The following SGCZ variants were observed in gnomAD, a reference collection of about 807,000 sequenced individuals.
SGCZ encodes zeta-sarcoglycan.
Under a neutral mutation model 41.3 loss-of-function variants are expected in SGCZ, and 40 were observed. The observed-to-expected ratio is 0.97, with a 90% confidence interval of 0.75 to 1.26. SGCZ has a LOEUF of 1.26. Among genes scored for constraint, SGCZ ranks in the 50% most tolerant of loss-of-function variants. SGCZ has a pLI of 0.00. For missense variants in SGCZ, 552 were observed against 369.8 expected (o/e 1.49, Z -4.04); for synonymous variants, 206 against 137.5 (o/e 1.50, Z -3.49).
Position 15,237,885 on chromosome 8 carries a change from G to T in SGCZ, c.-262C>A, listed in dbSNP as rs940077058. 2.2e-5 allele frequency: 8 copies of T among 359,458 alleles called. No homozygotes were observed. Among genetic ancestry groups the T allele is most frequent in the South Asian group, 7.4e-5 (1 of 13,534 alleles). 22.3% of individuals were successfully genotyped at this position (359,458 alleles called of 1,614,324 possible). ...TACCGCGGTGCAACACAGCTGAGTC[G>T]ATTGAAACAGGGGCCAAAAGAAAAA... On this transcript the variant is annotated 5_prime_UTR_variant, in exon 1 of 8. Transcript: ENST00000382080.
chr8:15,192,855 G>A (rs372197266), intron 1 of SGCZ, among the ~76,000 whole-genome samples: 1 of 151,978 alleles, frequency 6.6e-6, no homozygotes, highest in South Asian at 2.1e-4. Context: ...AGCCTAACCA[G>A]TTTTGTTTTA....
At chr8:15,078,082 T>G (rs1198246574) in intron 1 of SGCZ, among the ~76,000 whole-genome samples, 1 of 150,828 alleles carries the variant, frequency 6.6e-6, no homozygotes, top group Non-Finnish European at 1.5e-5. Flanking sequence ...GAGCCTGTCC[T>G]CTCTGGGTTG....
At chr8:15,037,188 A>G (rs1368027236) in intron 1 of SGCZ, among the ~76,000 whole-genome samples, 2 of 152,180 alleles carry the variant, frequency 1.3e-5, no homozygotes, top group Non-Finnish European at 2.9e-5. Context: ...CACATGTCAT[A>G]GGAGGGACCC....
intron 1 of SGCZ, among the ~76,000 whole-genome samples, chr8:15,013,804 C>T (rs567025246): frequency 1.3e-5 from 2 of 152,294 alleles, no homozygotes; most frequent in Admixed American, 6.5e-5. Flanking sequence ...AACACACATA[C>T]ATTTTACAAG....
At chr8:15,216,128 T>C (rs1411611553) in intron 1 of SGCZ, among the ~76,000 whole-genome samples, 1 of 152,146 alleles carries the variant, frequency 6.6e-6, no homozygotes, top group African/African-American at 2.4e-5. Context: ...GAGCCACTAA[T>C]TGCATTCTCT....
chr8:14,415,315 T>C (rs1325791238), intron 2 of SGCZ, among the ~76,000 whole-genome samples: 1 of 151,940 alleles, frequency 6.6e-6, no homozygotes, highest in Non-Finnish European at 1.5e-5. Flanking sequence ...ATATGAGTGC[T>C]TTCAGAAATA....
intron 1 of SGCZ, among the ~76,000 whole-genome samples, chr8:14,974,877 A>C (rs1316535744): frequency 6.6e-6 from 1 of 152,124 alleles, no homozygotes; most frequent in Non-Finnish European, 1.5e-5. Context: ...AAAAAAAAAA[A>C]AAAAGGAAAT....
chr8:14,236,891 T>A (rs971767577), intron 4 of SGCZ, among the ~76,000 whole-genome samples: 5 of 151,922 alleles, frequency 3.3e-5, no homozygotes, highest in South Asian at 2.1e-4. Context: ...AATATTTATT[T>A]GCTATGAGAA....
chr8:14,683,814 A>AT (rs1311926428), intron 1 of SGCZ, among the ~76,000 whole-genome samples: 11 of 152,172 alleles, frequency 7.2e-5, no homozygotes, highest in African/African-American at 2.6e-4. Context: ...AAATTAAGTG[A>AT]TTTTCTCATT....
chr8:14,782,983 CTT>C lies in SGCZ; in HGVS notation c.40-228059_40-228058del, dbSNP rs573910968. 1.6e-3 allele frequency among the ~76,000 whole-genome samples: 250 copies of C among 152,212 alleles called. 1 individual carries two copies. Among genetic ancestry groups the C allele is most frequent in the African/African-American group, 5.7e-3 (237 of 41,538 alleles). On this transcript the variant is annotated intron_variant, in intron 1 of 7. Transcript: ENST00000382080. Reference sequence around the variant, plus strand: ...GCAATAGATTAATGGATATTATAAACTTAAATATTCTGCAGAATAATTTATGT... The same window carrying C: ...GCAATAGATTAATGGATATTATAAACAAATATTCTGCAGAATAATTTATGT...
At chr8:15,085,329 T>C (rs1805908335) in intron 1 of SGCZ, among the ~76,000 whole-genome samples, 1 of 152,188 alleles carries the variant, frequency 6.6e-6, no homozygotes, top group African/African-American at 2.4e-5. Flanking sequence ...ACCTTTGACT[T>C]ACAGAAAGGG....
At chr8:15,135,660 G>A (rs559335381) in intron 1 of SGCZ, among the ~76,000 whole-genome samples, 2 of 152,312 alleles carry the variant, frequency 1.3e-5, no homozygotes, top group Non-Finnish European at 1.5e-5. Context: ...ATTAAGGTAA[G>A]TAAGCAAGTC....
chr8:14,840,628 T>C (rs912345273), intron 1 of SGCZ, among the ~76,000 whole-genome samples: 9 of 152,106 alleles, frequency 5.9e-5, no homozygotes, highest in Non-Finnish European at 1.2e-4. Flanking sequence ...GAGTTTCTCT[T>C]GCACTCTAAC....
At chr8:14,802,698 T>C (rs539207799) in intron 1 of SGCZ, among the ~76,000 whole-genome samples, 7 of 152,348 alleles carry the variant, frequency 4.6e-5, no homozygotes, top group African/African-American at 1.7e-4. Flanking sequence ...ACATTGCTTA[T>C]TGAAACTGGT....
At chr8:15,127,248 ACACAC>A in intron 1 of SGCZ, among the ~76,000 whole-genome samples, 1 of 9,330 alleles carries the variant, frequency 1.1e-4, no homozygotes, top group African/African-American at 1.4e-4. Flanking sequence ...ACACACACAC[ACACAC>A]ACAAACAAAC....
At chr8:14,254,685 A>T (rs968643955) in intron 3 of SGCZ, among the ~76,000 whole-genome samples, 4 of 152,210 alleles carry the variant, frequency 2.6e-5, no homozygotes, top group Non-Finnish European at 5.9e-5. Context: ...TCCACTAAAC[A>T]TATTTAAAAG....
At chr8:15,064,921 C>A (rs1351796822) in intron 1 of SGCZ, among the ~76,000 whole-genome samples, 1 of 152,160 alleles carries the variant, frequency 6.6e-6, no homozygotes, top group Non-Finnish European at 1.5e-5. Flanking sequence ...ATTACTATGT[C>A]TACTTGACAT....
rs369635322 is a variant in SGCZ, at chr8:14,543,800, C to G, written c.234+10932G>C. Among the ~76,000 whole-genome samples the G allele has an allele frequency of 1.9e-4, 29 of 152,178 alleles. No individual in the cohort carries two copies. In the South Asian group the frequency reaches 5.6e-3, roughly 29 times the overall value. On this transcript the variant is annotated intron_variant, in intron 2 of 7. Transcript: ENST00000382080. Reference sequence around the variant, plus strand: ...CTATCCAGTAAATTACACACAAGTACCATAGTAATATAGCATTTTCGGACT... The same window carrying G: ...CTATCCAGTAAATTACACACAAGTAGCATAGTAATATAGCATTTTCGGACT...
chr8:14,951,803 T>G (rs1237084353), intron 1 of SGCZ, among the ~76,000 whole-genome samples: 2 of 152,090 alleles, frequency 1.3e-5, no homozygotes, highest in Non-Finnish European at 2.9e-5. Context: ...TGGCATATTA[T>G]TAAACCCATA....
Sources: gnomAD v4.1 joint callset for allele counts (sites outside exome capture counted in the v4.1 genomes callset) on GRCh38, gnomAD v4.1.1 for gene constraint, MANE v1.5 for transcripts, NCBI Gene and HGNC (gene_info 2026-07-23, HGNC 2026-07-21) for gene names.